CADM2: variants seen among roughly 807,000 people sequenced by gnomAD.
The protein encoded by CADM2 is cell adhesion molecule 2, also known as immunoglobulin superfamily member 4D.
Under a neutral mutation model 49.8 loss-of-function variants are expected in CADM2, and 12 were observed. The ratio of observed to expected loss-of-function variants is 0.24; its 90% CI spans 0.15 to 0.39. The LOEUF is 0.39. Among genes scored for constraint, CADM2 ranks in the 10% least tolerant of loss-of-function variants. The pLI is 1.00. For synonymous variants in CADM2, 214 were observed against 175.4 expected (o/e 1.22, Z -1.74); for missense variants, 378 against 492.3 (o/e 0.77, Z 2.20).
chr3:86,011,641 A>G (rs896947391), intron 8 of CADM2, among the ~76,000 whole-genome samples: 1 of 152,168 alleles, frequency 6.6e-6, no homozygotes, highest in Non-Finnish European at 1.5e-5. Context: ...CCTAAATTTT[A>G]GAAGTCCTTG....
intron 1 of CADM2, among the ~76,000 whole-genome samples, chr3:85,357,815 A>T (rs1462159436): frequency 2.0e-5 from 3 of 152,118 alleles, no homozygotes; most frequent in Non-Finnish European, 4.4e-5. Flanking sequence ...TAAAGTTATT[A>T]ACTACAATGA....
rs188947135 is a variant in CADM2 at position 85,956,247 on chromosome 3, T to C, written c.792-5222T>C. On this transcript the variant is annotated intron_variant, in intron 7 of 9. Transcript: ENST00000383699. ...TGGAACCACTTTTAAATGATCTCTT[T>C]GGATGCCTGAACAGCAGGGAAGATT... Among the ~76,000 whole-genome samples, 23 of 151,706 alleles carry C rather than the reference T, an allele frequency of 1.5e-4. No homozygotes were observed. The East Asian group carries it at 2.2e-3, about 14-fold the overall frequency.
intron 1 of CADM2, among the ~76,000 whole-genome samples, chr3:85,628,630 C>CAT (rs201108700): frequency 0.78 from 112,076 of 144,470 alleles, 43,998 homozygotes; most frequent in African/African-American, 0.9. Context: ...CATATATACG[C>CAT]ATATATACAT....
At chr3:85,495,358 G>C (rs1466605668) in intron 1 of CADM2, among the ~76,000 whole-genome samples, 3 of 152,158 alleles carry the variant, frequency 2.0e-5, no homozygotes, top group East Asian at 3.9e-4. Context: ...TCATTTATAC[G>C]TAACCTTAGA....
intron 2 of CADM2, among the ~76,000 whole-genome samples, chr3:85,794,787 C>G (rs1288502407): frequency 6.6e-6 from 1 of 152,024 alleles, no homozygotes; most frequent in African/African-American, 2.4e-5. Flanking sequence ...CTGGTCATTA[C>G]ACTCTCTCCT....
At chr3:85,888,662 G>A (rs967277952) in intron 5 of CADM2, among the ~76,000 whole-genome samples, 4 of 151,968 alleles carry the variant, frequency 2.6e-5, no homozygotes, top group Admixed American at 6.6e-5. Context: ...TGTTTACATC[G>A]TTTGTCTCCC....
intron 1 of CADM2, among the ~76,000 whole-genome samples, chr3:85,619,078 T>A (rs1576947130): frequency 6.6e-6 from 1 of 151,658 alleles, no homozygotes; most frequent in East Asian, 1.9e-4. Context: ...AACACAGTTA[T>A]GCAATTATGA....
chr3:85,817,088 C>G (rs1286973895), intron 3 of CADM2, among the ~76,000 whole-genome samples: 1 of 152,106 alleles, frequency 6.6e-6, no homozygotes, highest in Non-Finnish European at 1.5e-5. Flanking sequence ...TGTGAGCCAC[C>G]CTTGGAAACA....
chr3:85,415,166 T>A (rs1214671808), intron 1 of CADM2, among the ~76,000 whole-genome samples: 1 of 152,170 alleles, frequency 6.6e-6, no homozygotes, highest in East Asian at 1.9e-4. Context: ...TTAAACTTTG[T>A]ATCTTCAGAA....
Position 85,206,357 on chromosome 3 carries a change from G to T in CADM2, c.61+246689G>T, listed in dbSNP as rs555641225. 4.0e-5 allele frequency among the ~76,000 whole-genome samples: 6 copies of T among 149,118 alleles called. No homozygotes were observed. The East Asian group carries it at 7.9e-4, about 20-fold the overall frequency. ...GAGTCTTGCTCTGTCACCCAGGCTG[G>T]AGTGCAGTGGCGCAATCTCGACTCA... On this transcript the variant is annotated intron_variant, in intron 1 of 9. Coordinates refer to ENST00000383699, the MANE Select transcript of CADM2 (RefSeq NM_001167675.2).
chr3:85,862,019 TTTA>T (rs1343712794), intron 3 of CADM2, among the ~76,000 whole-genome samples: 1 of 152,160 alleles, frequency 6.6e-6, no homozygotes, highest in African/African-American at 2.4e-5. Flanking sequence ...TGCAATAATT[TTTA>T]TTAATAAATA....
chr3:85,667,847 T>C (rs762689541), intron 1 of CADM2, among the ~76,000 whole-genome samples: 4 of 152,054 alleles, frequency 2.6e-5, no homozygotes, highest in Admixed American at 6.6e-5. Context: ...GAACTCATAA[T>C]ATTATCTTTC....
At chr3:86,055,614 A>G (rs1305183759) in intron 8 of CADM2, among the ~76,000 whole-genome samples, 1 of 151,890 alleles carries the variant, frequency 6.6e-6, no homozygotes, top group Non-Finnish European at 1.5e-5. Context: ...TTACAAGGGC[A>G]TGCCACCATG....
At chr3:85,752,924 A>G (rs919103008) in intron 2 of CADM2, among the ~76,000 whole-genome samples, 5 of 152,174 alleles carry the variant, frequency 3.3e-5, no homozygotes, top group African/African-American at 1.2e-4. Flanking sequence ...TGGAAAACAA[A>G]GCACCTTAAA....
intron 1 of CADM2, among the ~76,000 whole-genome samples, chr3:85,422,539 A>G (rs1362371612): frequency 6.6e-6 from 1 of 152,150 alleles, no homozygotes; most frequent in Non-Finnish European, 1.5e-5. Flanking sequence ...GGCCTCCCAA[A>G]GTGCTGGGAT....
chr3:85,103,228 G>C (rs766311302), intron 1 of CADM2, among the ~76,000 whole-genome samples: 5 of 152,116 alleles, frequency 3.3e-5, no homozygotes, highest in Non-Finnish European at 5.9e-5. Context: ...GGTTTCAGAT[G>C]ACTCGATTGA....
chr3:85,112,728 C>T (rs1228073881), intron 1 of CADM2, among the ~76,000 whole-genome samples: 1 of 151,668 alleles, frequency 6.6e-6, no homozygotes, highest in Non-Finnish European at 1.5e-5. Context: ...ATTAGACTTC[C>T]TTATAAAGTC....
intron 1 of CADM2, among the ~76,000 whole-genome samples, chr3:85,017,171 C>T (rs924550711): frequency 6.6e-6 from 1 of 152,086 alleles, no homozygotes; most frequent in Non-Finnish European, 1.5e-5. Context: ...TGGGAAAAAG[C>T]AGATGGAGGA....
At chr3:85,030,332 C>A (rs2034924393) in intron 1 of CADM2, among the ~76,000 whole-genome samples, 1 of 152,158 alleles carries the variant, frequency 6.6e-6, no homozygotes, top group Non-Finnish European at 1.5e-5. Flanking sequence ...TTTATATGCT[C>A]TGTTATTCTC....
Sources: allele counts gnomAD v4.1 joint callset (sites outside exome capture counted in the v4.1 genomes callset), GRCh38; gene constraint gnomAD v4.1.1; transcripts MANE v1.5; gene names NCBI Gene and HGNC (gene_info 2026-07-23, HGNC 2026-07-21).